Variants in TENM4 observed in about 807,000 individuals in gnomAD.
TENM4 encodes the protein teneurin-4.
Under a neutral mutation model 243.3 loss-of-function variants are expected in TENM4, and 82 were observed. The ratio of observed to expected loss-of-function variants is 0.34; its 90% CI spans 0.28 to 0.40. The LOEUF (loss-of-function observed/expected upper bound fraction) is 0.40. Ranked by LOEUF, TENM4 falls within the 10% of genes least tolerant of loss-of-function variation. The pLI, the probability that TENM4 is intolerant of heterozygous loss-of-function variation, is 1.00. For synonymous variants in TENM4, 1,412 were observed against 1,456.3 expected, an observed-to-expected ratio of 0.97 and a Z score of 0.69; for missense variants, 3,138 against 3,673.3, an observed-to-expected ratio of 0.85 and a Z score of 3.77.
At chr11:78,904,522 G>A (rs1856020736) in intron 6 of TENM4, among the ~76,000 whole-genome samples, 1 of 152,080 alleles carries the variant, frequency 6.6e-6, no homozygotes, top group Admixed American at 6.5e-5. Context: ...AATAAAGTGA[G>A]CCATGCTGGG....
intron 19 of TENM4, among the ~76,000 whole-genome samples, chr11:78,754,093 T>G (rs10501405): frequency 0.09 from 13,660 of 152,274 alleles, 742 homozygotes; most frequent in Middle Eastern, 0.14. Context: ...AACTACTAAG[T>G]GCTAAAATGT....
At chr11:79,315,720 C>T (rs1207958328) in intron 1 of TENM4, among the ~76,000 whole-genome samples, 1 of 152,232 alleles carries the variant, frequency 6.6e-6, no homozygotes, top group Non-Finnish European at 1.5e-5. Context: ...CCAAGATGCA[C>T]TGCTCAAAGC....
chr11:79,123,699 C>T (rs1459477315), intron 4 of TENM4, among the ~76,000 whole-genome samples: 1 of 151,714 alleles, frequency 6.6e-6, no homozygotes, highest in Non-Finnish European at 1.5e-5. Flanking sequence ...ACAAAATGTC[C>T]CTTTTCGGGG....
chr11:79,268,763 A>G (rs1262838783), intron 2 of TENM4, among the ~76,000 whole-genome samples: 2 of 152,140 alleles, frequency 1.3e-5, no homozygotes, highest in African/African-American at 4.8e-5. Context: ...TTAGTACTAC[A>G]CTTTTCACAT....
Position 78,903,641 on chromosome 11 carries a change from T to C in TENM4, c.494-118A>G, listed in dbSNP as rs1017987251. ...GAGGGAGCCGGCAGATTATACATAT[T>C]GATGCAGTCAATCAGTAATTACACG... On this transcript the variant is annotated intron_variant, in intron 6 of 33. Transcript: ENST00000278550. The C allele has an allele frequency of 2.8e-5, 40 of 1,443,790 alleles. 1 individual carries two copies. Among genetic ancestry groups the C allele is most frequent in the Admixed American group, 2.8e-4 (13 of 47,028 alleles). The allele number at this position is 1,443,790 out of a possible 1,614,324, so 89.4% of individuals were successfully genotyped here.
At chr11:79,361,079 C>G (rs1030652787) in intron 1 of TENM4, among the ~76,000 whole-genome samples, 2 of 152,116 alleles carry the variant, frequency 1.3e-5, no homozygotes, top group African/African-American at 4.8e-5. Context: ...ACCCAGATGT[C>G]AGGTCCAGAT....
chr11:79,225,281 G>A (rs1864241315), intron 2 of TENM4, among the ~76,000 whole-genome samples: 1 of 152,168 alleles, frequency 6.6e-6, no homozygotes. Flanking sequence ...CCTAAGAAAA[G>A]CAGACTGGAG....
chr11:78,935,161 G>A (rs1856757721), intron 6 of TENM4, among the ~76,000 whole-genome samples: 1 of 150,346 alleles, frequency 6.7e-6, no homozygotes, highest in African/African-American at 2.5e-5. Flanking sequence ...ACAGGCGCCC[G>A]CCAGCGCGCC....
At position 78,702,209 on chromosome 11, in the gene TENM4, C is replaced by T; in HGVS notation, c.4404G>A (p.Glu1468=). The change falls in exon 28 of 34, where the codon GAG becomes GAA. Residue 1468 remains glutamate (E), a synonymous_variant. Coordinates refer to ENST00000278550, the MANE Select transcript of TENM4 (RefSeq NM_001098816.3). Reference sequence around the variant, plus strand: ...GTGAAACAGCCAAAGCGGTGGCTGACTCCAGGGTTGCGTGGATGGCCACCT... The same window carrying T: ...GTGAAACAGCCAAAGCGGTGGCTGATTCCAGGGTTGCGTGGATGGCCACCT... ...LSKVAIHATL[E]SATALAVSHN... The T allele has an allele frequency of 6.2e-7, 1 of 1,614,046 alleles. No homozygotes were observed.
intron 3 of TENM4, among the ~76,000 whole-genome samples, chr11:79,164,083 T>A (rs60831545): frequency 0.011 from 230 of 21,488 alleles, 3 homozygotes; most frequent in South Asian, 0.018. Flanking sequence ...ATACACTATA[T>A]ATACTATGTA....
intron 1 of TENM4, among the ~76,000 whole-genome samples, chr11:79,321,326 C>G (rs933277600): frequency 6.6e-6 from 1 of 152,206 alleles, no homozygotes. Context: ...GGCTGCTACA[C>G]TTTCAGGCAA....
chr11:78,794,116 A>AC (rs1474204184), intron 15 of TENM4, among the ~76,000 whole-genome samples: 2 of 152,104 alleles, frequency 1.3e-5, no homozygotes, highest in African/African-American at 4.8e-5. Flanking sequence ...ATGTGTAATC[A>AC]CCTAACCAGC....
chr11:78,966,528 G>T (rs1177052164), intron 6 of TENM4, among the ~76,000 whole-genome samples: 1 of 152,212 alleles, frequency 6.6e-6, no homozygotes, highest in Non-Finnish European at 1.5e-5. Context: ...GGAGCTGGAA[G>T]GAGGGGAGGG....
At chr11:78,978,214 G>C (rs1857709415) in intron 6 of TENM4, among the ~76,000 whole-genome samples, 1 of 151,560 alleles carries the variant, frequency 6.6e-6, no homozygotes, top group African/African-American at 2.4e-5. Context: ...CGGATGGGGG[G>C]CTAGGGGAGG....
At chr11:78,694,126 C>T (rs1369368490) in intron 28 of TENM4, among the ~76,000 whole-genome samples, 1 of 152,190 alleles carries the variant, frequency 6.6e-6, no homozygotes, top group African/African-American at 2.4e-5. Context: ...TACTTCATCT[C>T]GAGCCACTTA....
intron 3 of TENM4, among the ~76,000 whole-genome samples, chr11:79,168,238 G>A (rs1281683682): frequency 6.6e-6 from 1 of 152,214 alleles, no homozygotes; most frequent in Non-Finnish European, 1.5e-5. Context: ...CAGAACTTCA[G>A]TGGGGTGCTG....
At chr11:79,374,125 T>C (rs1245725948) in intron 1 of TENM4, among the ~76,000 whole-genome samples, 1 of 152,202 alleles carries the variant, frequency 6.6e-6, no homozygotes, top group African/African-American at 2.4e-5. Flanking sequence ...GGTCATCTGA[T>C]GATTTACCAA....
intron 6 of TENM4, among the ~76,000 whole-genome samples, chr11:78,992,067 AT>A (rs1858060333): frequency 6.6e-6 from 1 of 152,242 alleles, no homozygotes; most frequent in Non-Finnish European, 1.5e-5. Context: ...TTCAAAAGAA[AT>A]TTAATTCCCT....
chr11:78,742,812 C>T (rs1855961687), intron 19 of TENM4, among the ~76,000 whole-genome samples: 1 of 152,094 alleles, frequency 6.6e-6, no homozygotes, highest in South Asian at 2.1e-4. Flanking sequence ...AAAACCACTC[C>T]AAAACAAAAT....
Sources: allele counts gnomAD v4.1 joint callset (sites outside exome capture counted in the v4.1 genomes callset), GRCh38; gene constraint gnomAD v4.1.1; transcripts MANE v1.5; gene names NCBI Gene and HGNC (gene_info 2026-07-23, HGNC 2026-07-21).